CELF2: variants seen among roughly 807,000 people sequenced by gnomAD.
CELF2 encodes the protein CUGBP Elav-like family member 2, also known as CUG triplet repeat RNA-binding protein 2.
Under a neutral mutation model 62.6 loss-of-function variants are expected in CELF2, and 8 were observed. The observed-to-expected ratio is 0.13, with a 90% CI of 0.07 to 0.23. The LOEUF is 0.23. Among genes scored for constraint, CELF2 ranks in the 10% least tolerant of loss-of-function variants. The pLI, the probability that CELF2 is intolerant of heterozygous loss-of-function variation, is 1.00. For missense variants in CELF2, 333 were observed against 671.0 expected (o/e 0.50, Z 5.56); for synonymous variants, 258 against 250.0 (o/e 1.03, Z -0.30).
the CELF2 span, among the ~76,000 whole-genome samples, chr10:10,792,865 C>T: frequency 6.6e-6 from 1 of 152,134 alleles, no homozygotes; most frequent in African/African-American, 2.4e-5. Context: ...AAGCAGCTGG[C>T]TGGGTGTGAG....
the CELF2 span, among the ~76,000 whole-genome samples, chr10:10,733,479 G>C: frequency 1.3e-5 from 2 of 152,060 alleles, no homozygotes; most frequent in East Asian, 3.9e-4. Flanking sequence ...TGAGACCTTA[G>C]GGCCATCCAG....
At position 11,285,237 on chromosome 10, in the gene CELF2, A is replaced by G. The variant is rs1052419566; in HGVS notation, c.842-3181A>G. 1.3e-5 allele frequency among the ~76,000 whole-genome samples: 2 copies of G among 152,022 alleles called. No individual in the cohort carries two copies. The highest frequency in any genetic ancestry group is 4.8e-5 in the African/African-American group (2 of 41,358). On this transcript the variant is annotated intron_variant, in intron 8 of 12. Coordinates refer to ENST00000633077, the MANE Select transcript of CELF2 (RefSeq NM_001326342.2). The surrounding 1 kb of genome is among the most constrained non-coding windows in gnomAD (Gnocchi z 4.3). Reference sequence around the variant, plus strand: ...TCTTCTTCTCTCCTTTTGTCCTCACATCCCTCAGATGCTGGGGATCACAGT... The same window carrying G: ...TCTTCTTCTCTCCTTTTGTCCTCACGTCCCTCAGATGCTGGGGATCACAGT...
At chr10:10,999,530 G>C (rs1273409651) in intron 2 of CELF2, among the ~76,000 whole-genome samples, 1 of 152,208 alleles carries the variant, frequency 6.6e-6, no homozygotes, top group East Asian at 1.9e-4. Context: ...GAGCCCAGGA[G>C]TTCAAGGCTG....
At chr10:11,127,434 G>A (rs1427971247) in intron 1 of CELF2, among the ~76,000 whole-genome samples, 1 of 152,134 alleles carries the variant, frequency 6.6e-6, no homozygotes, top group Non-Finnish European at 1.5e-5. Flanking sequence ...GAGTCAAATG[G>A]TATTTCTAGT....
At chr10:11,173,125 AAG>A (rs1364042246) in intron 2 of CELF2, among the ~76,000 whole-genome samples, 2 of 152,186 alleles carry the variant, frequency 1.3e-5, no homozygotes, top group African/African-American at 4.8e-5. Flanking sequence ...GCCAGCAAGA[AAG>A]AGATAGCTCC....
chr10:10,929,876 C>T (rs1003221262), intron 2 of CELF2, among the ~76,000 whole-genome samples: 8 of 152,134 alleles, frequency 5.3e-5, no homozygotes, highest in African/African-American at 9.7e-5. Context: ...TGCCTTGCTA[C>T]GAGTTATTGC....
At chr10:10,901,739 A>G (rs2062952170) in intron 1 of CELF2, among the ~76,000 whole-genome samples, 1 of 152,204 alleles carries the variant, frequency 6.6e-6, no homozygotes, top group Non-Finnish European at 1.5e-5. Flanking sequence ...ACTAGGAGAA[A>G]ATATTATTAC....
At chr10:11,292,283 C>T (rs115957202) in intron 9 of CELF2, among the ~76,000 whole-genome samples, 3,527 of 152,256 alleles carry the variant, frequency 0.023, 140 homozygotes, top group African/African-American at 0.08. Context: ...AGTGTTTGGA[C>T]GTTGTTCAGG....
At chr10:10,956,570 T>C (rs2048920673) in intron 2 of CELF2, among the ~76,000 whole-genome samples, 1 of 152,158 alleles carries the variant, frequency 6.6e-6, no homozygotes, top group South Asian at 2.1e-4. Flanking sequence ...TAGTGTTAAA[T>C]AATACCCACT....
chr10:11,249,120 T>C, intron 3 of CELF2, 33 bp from the exon 4 acceptor site: 1 of 1,582,296 alleles, frequency 6.3e-7, no homozygotes. Context: ...AGTTGTTCAA[T>C]CTGCCTTTAC....
At chr10:11,240,087 G>A (rs900950564) in intron 3 of CELF2, among the ~76,000 whole-genome samples, 3 of 152,062 alleles carry the variant, frequency 2.0e-5, no homozygotes, top group African/African-American at 4.8e-5. Context: ...TATGTTAATC[G>A]TGATATGTAA....
At chr10:10,831,552 A>G (rs1488532067) in intron 1 of CELF2, among the ~76,000 whole-genome samples, 2 of 152,210 alleles carry the variant, frequency 1.3e-5, no homozygotes, top group Non-Finnish European at 2.9e-5. Flanking sequence ...CCATCATTCC[A>G]CTATGGACAA....
Position 11,321,816 on chromosome 10 carries a change from C to G in CELF2, c.1294+430C>G, listed in dbSNP as rs1373224143. ...TTCTTGTCCATTGTATATTTATATA[C>G]CACTCTGGCTTTGTTGATAAATAAA... On this transcript the variant is annotated intron_variant, in intron 11 of 12. Coordinates refer to ENST00000633077, the MANE Select transcript of CELF2 (RefSeq NM_001326342.2). The surrounding 1 kb of genome is among the most constrained non-coding windows in gnomAD (Gnocchi z 6.2). Among the ~76,000 whole-genome samples, 1 of 152,128 alleles carries G rather than the reference C, an allele frequency of 6.6e-6. No individual in the cohort carries two copies. Among genetic ancestry groups the G allele is most frequent in the Non-Finnish European group, 1.5e-5 (1 of 68,034 alleles).
chr10:10,965,952 T>A lies in CELF2; in HGVS notation c.89+45953T>A, dbSNP rs556162192. Among the ~76,000 whole-genome samples, 9 of 152,344 alleles carry A rather than the reference T, an allele frequency of 5.9e-5. No homozygotes were observed. The South Asian group carries it at 1.9e-3, about 32-fold the overall frequency. ...CAAGTGTGTTTTGCCATACATAGAA[T>A]GACTGTGACAAGCAATGGTCACAAG... is the stretch of plus-strand genomic sequence containing the variant. On this transcript the variant is annotated intron_variant, in intron 2 of 13. Transcript: ENST00000636488.
intron 2 of CELF2, among the ~76,000 whole-genome samples, chr10:10,965,378 A>G (rs1288757850): frequency 6.6e-6 from 1 of 152,214 alleles, no homozygotes; most frequent in African/African-American, 2.4e-5. Flanking sequence ...CATGTAGGAC[A>G]CTTAAAACAG....
chr10:10,777,235 T>TAGATA, the CELF2 span, among the ~76,000 whole-genome samples: 2 of 152,206 alleles, frequency 1.3e-5, no homozygotes, highest in Non-Finnish European at 2.9e-5. Flanking sequence ...CCCCACATTG[T>TAGATA]CACCTCCATC....
chr10:10,957,806 C>T lies in CELF2; in HGVS notation c.89+37807C>T, dbSNP rs990975516. On this transcript the variant is annotated intron_variant, in intron 2 of 13. Transcript: ENST00000636488. The surrounding 1 kb of genome is among the most constrained non-coding windows in gnomAD (Gnocchi z 4.1). ...AACCACGTTTTTCATCGGTTTTCCC[C>T]ATCTTCCTAATTGGGATCACATTCT... Among the ~76,000 whole-genome samples, 1 of 152,192 alleles carries T rather than the reference C, an allele frequency of 6.6e-6. No homozygotes were observed. The highest frequency in any genetic ancestry group is 1.5e-5 in the Non-Finnish European group (1 of 68,034).
chr10:11,189,211 G>A (rs2075740307), intron 2 of CELF2, among the ~76,000 whole-genome samples: 1 of 152,090 alleles, frequency 6.6e-6, no homozygotes, highest in Admixed American at 6.5e-5. Context: ...TTGTCTGGTA[G>A]TTTCTTCACT....
the CELF2 span, among the ~76,000 whole-genome samples, chr10:10,720,736 G>A: frequency 6.6e-6 from 1 of 152,182 alleles, no homozygotes; most frequent in Non-Finnish European, 1.5e-5. Context: ...CGTTAATCAC[G>A]AGTCCAGTCT....
Sources: gnomAD v4.1 joint callset for allele counts (sites outside exome capture counted in the v4.1 genomes callset) on GRCh38, gnomAD v4.1.1 for gene constraint, Gnocchi (gnomAD v3.1) non-coding constraint, MANE v1.5 for transcripts, NCBI Gene and HGNC (gene_info 2026-07-23, HGNC 2026-07-21) for gene names.